The following NELL1 variants were observed in gnomAD, a reference collection of about 807,000 sequenced individuals.
The protein encoded by NELL1 is protein kinase C-binding protein NELL1.
In NELL1, 76 loss-of-function variants were observed where a neutral mutation model predicts 107.4. That is an observed-to-expected ratio of 0.71 (90% CI 0.59 to 0.86). The LOEUF (loss-of-function observed/expected upper bound fraction) is 0.86. Among genes scored for constraint, NELL1 ranks in the 40% least tolerant of loss-of-function variants. NELL1 has a pLI of 0.00. For synonymous variants in NELL1, 353 were observed against 341.2 expected, an observed-to-expected ratio of 1.03 and a Z score of -0.38; for missense variants, 1,024 against 1,005.5, an observed-to-expected ratio of 1.02 and a Z score of -0.25.
At chr11:20,704,922 A>G (rs1854901756) in intron 2 of NELL1, among the ~76,000 whole-genome samples, 1 of 152,224 alleles carries the variant, frequency 6.6e-6, no homozygotes, top group Non-Finnish European at 1.5e-5. Context: ...ATTGCTTCAA[A>G]GAGAATAAAA....
chr11:20,891,353 C>G (rs1471371481), intron 5 of NELL1, among the ~76,000 whole-genome samples: 1 of 152,146 alleles, frequency 6.6e-6, no homozygotes, highest in Non-Finnish European at 1.5e-5. Context: ...GCAAGAGCTG[C>G]TGAAAGAAAC....
rs971288507 is a variant in NELL1, at chr11:21,437,674, T to G, written c.1645+66726T>G. 3.9e-5 allele frequency among the ~76,000 whole-genome samples: 6 copies of G among 152,366 alleles called. No individual in the cohort carries two copies. In the East Asian group the frequency reaches 1.2e-3, roughly 29 times the overall value. On this transcript the variant is annotated intron_variant, in intron 15 of 19. Transcript: ENST00000357134. Reference sequence around the variant, plus strand: ...GTGCCTGGCTGAGCTTCATCTCTTTTCATGTTTATTGACATCCAGTTTATT... The same window carrying G: ...GTGCCTGGCTGAGCTTCATCTCTTTGCATGTTTATTGACATCCAGTTTATT...
rs1857138315 is a variant in NELL1, at chr11:21,195,733, T to C, written c.1427-33599T>C. Among the ~76,000 whole-genome samples, 2 of 152,194 alleles carry C rather than the reference T, an allele frequency of 1.3e-5. 1 individual carries two copies. The highest frequency in any genetic ancestry group is 4.1e-4 in the South Asian group (2 of 4,832). ...TCTTTGAAATTCAGTGTATATCTTA[T>C]ACCCATAGCACATCTCAATCCATGC... On this transcript the variant is annotated intron_variant, in intron 13 of 19. Transcript: ENST00000357134.
At chr11:20,697,953 G>T (rs1464235036) in intron 2 of NELL1, among the ~76,000 whole-genome samples, 1 of 152,106 alleles carries the variant, frequency 6.6e-6, no homozygotes, top group Non-Finnish European at 1.5e-5. Context: ...TTACCCAAAG[G>T]GTTTGTTAAA....
intron 15 of NELL1, among the ~76,000 whole-genome samples, chr11:21,421,916 T>C (rs1318534481): frequency 6.6e-6 from 1 of 152,280 alleles, no homozygotes; most frequent in Admixed American, 6.5e-5. Context: ...ACTCATCACA[T>C]GTGAGGAATC....
At chr11:20,675,112 TATC>T (rs1854020893) in intron 1 of NELL1, among the ~76,000 whole-genome samples, 1 of 152,190 alleles carries the variant, frequency 6.6e-6, no homozygotes, top group Non-Finnish European at 1.5e-5. Context: ...GACATGTTCT[TATC>T]ATGATGTGGA....
At chr11:21,390,716 G>A (rs541822340) in intron 15 of NELL1, among the ~76,000 whole-genome samples, 16 of 151,698 alleles carry the variant, frequency 1.1e-4, no homozygotes, top group Non-Finnish European at 2.1e-4. Flanking sequence ...ACCTAATTTT[G>A]TTATTGCTGT....
At chr11:21,529,227 T>C (rs1159878022) in intron 15 of NELL1, among the ~76,000 whole-genome samples, 1 of 152,176 alleles carries the variant, frequency 6.6e-6, no homozygotes, top group African/African-American at 2.4e-5. Context: ...AATTGGCCTG[T>C]AGTGAGCAGG....
At chr11:21,510,733 A>G (rs746118374) in intron 15 of NELL1, among the ~76,000 whole-genome samples, 56 of 152,114 alleles carry the variant, frequency 3.7e-4, no homozygotes, top group Non-Finnish European at 7.8e-4. Flanking sequence ...CATCTACTCT[A>G]TATTTACTGT....
At chr11:21,119,540 G>A (rs188395891) in intron 13 of NELL1, among the ~76,000 whole-genome samples, 1 of 152,166 alleles carries the variant, frequency 6.6e-6, no homozygotes, top group East Asian at 1.9e-4. Context: ...GTTATATATG[G>A]AGCTCTGTAC....
chr11:20,809,084 C>A (rs1233693641), intron 3 of NELL1, among the ~76,000 whole-genome samples: 3 of 152,154 alleles, frequency 2.0e-5, no homozygotes, highest in African/African-American at 7.2e-5. Context: ...CTTGCTTCAC[C>A]TCCTCCTGAA....
At chr11:21,395,749 C>A (rs541359955) in intron 15 of NELL1, among the ~76,000 whole-genome samples, 2 of 151,210 alleles carry the variant, frequency 1.3e-5, no homozygotes, top group African/African-American at 4.8e-5. Flanking sequence ...AAGCATAATT[C>A]TACTTTTTGA....
At chr11:21,395,984 A>C (rs976421840) in intron 15 of NELL1, among the ~76,000 whole-genome samples, 3 of 151,630 alleles carry the variant, frequency 2.0e-5, no homozygotes, top group African/African-American at 7.2e-5. Context: ...ATGCAGACTT[A>C]AAATGTCAAT....
chr11:21,414,175 G>A (rs1303853183), intron 15 of NELL1, among the ~76,000 whole-genome samples: 1 of 152,000 alleles, frequency 6.6e-6, no homozygotes, highest in East Asian at 1.9e-4. Flanking sequence ...CTCTGCTGCT[G>A]GGCCTGGTAA....
At chr11:20,670,243 C>A (rs1028284759) in intron 1 of NELL1, among the ~76,000 whole-genome samples, 3 of 152,110 alleles carry the variant, frequency 2.0e-5, no homozygotes, top group Non-Finnish European at 4.4e-5. Flanking sequence ...GGCCGGGGCC[C>A]GGGAGGGCGC....
chr11:21,166,926 A>G (rs1393213452), intron 13 of NELL1, among the ~76,000 whole-genome samples: 2 of 151,938 alleles, frequency 1.3e-5, no homozygotes, highest in Non-Finnish European at 2.9e-5. Flanking sequence ...TCCCAAGCTT[A>G]AAAGTCCTTA....
chr11:20,857,688 A>C (rs11025789), intron 4 of NELL1, among the ~76,000 whole-genome samples: 32,398 of 152,160 alleles, frequency 0.21, 4,943 homozygotes, highest in African/African-American at 0.43. Flanking sequence ...GACGCTGCCC[A>C]GGTTTAGAAG....
chr11:21,272,711 G>A (rs1848766433), intron 14 of NELL1, among the ~76,000 whole-genome samples: 1 of 152,212 alleles, frequency 6.6e-6, no homozygotes, highest in South Asian at 2.1e-4. Flanking sequence ...AAAACTTCCA[G>A]AGGAACGATC....
At chr11:20,692,803 C>T (rs561651732) in intron 2 of NELL1, among the ~76,000 whole-genome samples, 24 of 152,110 alleles carry the variant, frequency 1.6e-4, no homozygotes, top group South Asian at 4.2e-4. Context: ...CTATTAGGTC[C>T]GCTTAGTGCA....
Sources: gnomAD v4.1 joint callset for allele counts (sites outside exome capture counted in the v4.1 genomes callset) on GRCh38, gnomAD v4.1.1 for gene constraint, MANE v1.5 for transcripts, NCBI Gene and HGNC (gene_info 2026-07-23, HGNC 2026-07-21) for gene names.